The following CYFIP1 variants were observed in gnomAD, a reference collection of about 807,000 sequenced individuals.
CYFIP1 encodes the protein cytoplasmic FMR1-interacting protein 1.
CYFIP1 carries 58 observed loss-of-function variants against 163.5 expected under a neutral mutation model. That is an observed-to-expected ratio of 0.35 (90% CI 0.29 to 0.44). The LOEUF (loss-of-function observed/expected upper bound fraction) is 0.44. Among genes scored for constraint, CYFIP1 ranks in the 20% least tolerant of loss-of-function variants. The probability of loss-of-function intolerance (pLI) is 1.00; values close to 1 mark genes in which losing one functional copy is unlikely to be tolerated. For missense variants in CYFIP1, 1,338 were observed against 1,653.8 expected (o/e 0.81, Z 3.31); for synonymous variants, 663 against 660.7 (o/e 1.00, Z -0.05).
chr15:22,971,217 G>A (rs973933592), intron 1 of CYFIP1, among the ~76,000 whole-genome samples: 2 of 152,178 alleles, frequency 1.3e-5, no homozygotes, highest in Admixed American at 6.6e-5. Flanking sequence ...ATGATTTCTT[G>A]GATATGACAC....
At position 22,917,673 on chromosome 15, in the gene CYFIP1, C is replaced by T; in HGVS notation, c.1674+115G>A. ...GAAACCACAGGCGCCACTTTCTCTG[C>T]CTGAGCAGGCAGCGAGGACCTCATT... On this transcript the variant is annotated intron_variant, in intron 15 of 30. Transcript: ENST00000617928. The surrounding 1 kb of genome is among the most constrained non-coding windows in gnomAD (Gnocchi z 4.2). 1.6e-6 allele frequency: 2 copies of T among 1,280,516 alleles called. No individual in the cohort carries two copies. Among genetic ancestry groups the T allele is most frequent in the African/African-American group, 1.5e-5 (1 of 65,056 alleles). The allele number at this position is 1,280,516 out of a possible 1,614,324, so 79.3% of individuals were successfully genotyped here. A position where few individuals can be genotyped will look rare whatever the true frequency, so the allele number is the denominator to read the frequency against.
At chr15:22,926,703 GC>G (rs1365990765) in intron 12 of CYFIP1, among the ~76,000 whole-genome samples, 1 of 152,142 alleles carries the variant, frequency 6.6e-6, no homozygotes, top group Non-Finnish European at 1.5e-5. Flanking sequence ...GATGGCTGGA[GC>G]TCCAAAGAGA....
intron 1 of CYFIP1, among the ~76,000 whole-genome samples, chr15:22,957,095 C>A (rs2062488276): frequency 6.6e-6 from 1 of 152,208 alleles, no homozygotes; most frequent in Admixed American, 6.5e-5. Flanking sequence ...AGTGCTGTGG[C>A]AGGCGGCACG....
chr15:22,902,251 G>C (rs2060416966), intron 22 of CYFIP1, among the ~76,000 whole-genome samples: 1 of 152,248 alleles, frequency 6.6e-6, no homozygotes, highest in African/African-American at 2.4e-5. Flanking sequence ...GCTCTGAGCA[G>C]CTGCACGCAT....
intron 22 of CYFIP1, among the ~76,000 whole-genome samples, chr15:22,903,343 A>G (rs764513254): frequency 6.6e-6 from 1 of 151,944 alleles, no homozygotes; most frequent in East Asian, 1.9e-4. Context: ...TTCACCACCA[A>G]TCACATCACT....
chr15:22,931,435 A>G (rs951325862), intron 11 of CYFIP1, among the ~76,000 whole-genome samples: 22 of 151,918 alleles, frequency 1.4e-4, no homozygotes, highest in Non-Finnish European at 2.6e-4. Flanking sequence ...GGACACATGG[A>G]CCCAATGCCC....
rs1009780278 is a variant in CYFIP1 at position 22,916,699 on chromosome 15, A to C, written c.1675-69T>G. On this transcript the variant is annotated intron_variant, in intron 15 of 30. Transcript: ENST00000617928. ...GGTACATTAGTTATGCCAAACTCAA[A>C]AAGCCCATGAGAGAAGGACTGCTCC... 2.5e-6 allele frequency: 4 copies of C among 1,614,008 alleles called. No individual in the cohort carries two copies. In the African/African-American group the frequency reaches 5.3e-5, roughly 22 times the overall value.
intron 13 of CYFIP1, 96 bp from the exon 14 acceptor site, chr15:22,918,954 AG>A: frequency 1.0e-6 from 1 of 992,048 alleles, no homozygotes; most frequent in Non-Finnish European, 1.5e-6. Context: ...CCTCGCCCAC[AG>A]CACCTTACGC....
At position 22,947,120 on chromosome 15, in the gene CYFIP1, T is replaced by C. The variant is rs766850051; in HGVS notation, c.118-28A>G. ...GAAGGAAAGGAAGAGAAAAACATCA[T>C]GTGGGGTCGGAGCACAGGCTGTACG... On this transcript the variant is annotated intron_variant, in intron 2 of 30. Transcript: ENST00000617928. 27 of 1,614,100 alleles carry C rather than the reference T, an allele frequency of 1.7e-5. No homozygotes were observed. In the East Asian group the frequency reaches 2.5e-4, roughly 15 times the overall value.
chr15:22,879,135 CAAAAA>C (rs11356601), intron 26 of CYFIP1, among the ~76,000 whole-genome samples: 1 of 130,316 alleles, frequency 7.7e-6, no homozygotes. Context: ...GACTCCGTCT[CAAAAA>C]AAAAAAAAAA....
chr15:22,916,267 C>G (rs968170052), intron 16 of CYFIP1, among the ~76,000 whole-genome samples: 1 of 152,214 alleles, frequency 6.6e-6, no homozygotes, highest in Non-Finnish European at 1.5e-5. Context: ...CCAGCCCGGG[C>G]TCCTCAGTTT....
chr15:22,961,852 G>C (rs1216449293), intron 1 of CYFIP1, among the ~76,000 whole-genome samples: 1 of 152,162 alleles, frequency 6.6e-6, no homozygotes, highest in Non-Finnish European at 1.5e-5. Flanking sequence ...TCCAGGTCAA[G>C]CTACTTTCTT....
intron 23 of CYFIP1, among the ~76,000 whole-genome samples, chr15:22,883,301 G>A (rs1482737791): frequency 1.3e-5 from 2 of 152,144 alleles, no homozygotes; most frequent in Non-Finnish European, 2.9e-5. Flanking sequence ...AAATGAATAC[G>A]ACCCAGAGTT....
rs778722174 is a variant in CYFIP1, at chr15:22,875,278, C to G, written c.3043-7G>C. 6.2e-7 allele frequency: 1 copy of G among 1,613,770 alleles called. No individual in the cohort carries two copies. The highest frequency in any genetic ancestry group is 8.5e-7 in the Non-Finnish European group (1 of 1,179,700). On this transcript the variant is annotated splice_polypyrimidine_tract_variant and splice_region_variant and intron_variant, in intron 26 of 30. Coordinates refer to ENST00000617928, the MANE Select transcript of CYFIP1 (RefSeq NM_014608.6). ...CACACACTTCTTCTAAAGACTAGAG[C>G]AGAGAAAGAGAGGGTCAAGCTAGGA... is the stretch of plus-strand genomic sequence containing the variant.
chr15:22,925,952 G>A (rs2142169581), intron 13 of CYFIP1, 30 bp downstream of exon 13: 3 of 1,608,870 alleles, frequency 1.9e-6, no homozygotes, highest in East Asian at 2.2e-5. Flanking sequence ...AGAGCGACAT[G>A]AGGAAGAGCG....
At chr15:22,889,544 T>A (rs1284611542) in intron 23 of CYFIP1, among the ~76,000 whole-genome samples, 1 of 152,160 alleles carries the variant, frequency 6.6e-6, no homozygotes, top group African/African-American at 2.4e-5. Flanking sequence ...TCCTGGGATC[T>A]CAAAAACCAA....
At chr15:22,956,469 A>G (rs983781879) in intron 1 of CYFIP1, among the ~76,000 whole-genome samples, 1 of 151,812 alleles carries the variant, frequency 6.6e-6, no homozygotes, top group African/African-American at 2.4e-5. Flanking sequence ...AGGGAAAAGG[A>G]AAAAAAAAGT....
At chr15:22,973,373 A>G (rs939494372) in intron 1 of CYFIP1, among the ~76,000 whole-genome samples, 2 of 148,280 alleles carry the variant, frequency 1.3e-5, no homozygotes, top group African/African-American at 5.0e-5. Context: ...AGTTATTCTC[A>G]CTTTTTCTAC....
rs1356895850 is a variant in CYFIP1 at position 22,881,868 on chromosome 15, G to A, written c.2889C>T (p.Pro963=). Reference sequence around the variant, plus strand: ...CACCAGGAGAGCCGTACTCGTGCCGGGGCAGGCGGCAGATCTTGGGCATCA... The same window carrying A: ...CACCAGGAGAGCCGTACTCGTGCCGAGGCAGGCGGCAGATCTTGGGCATCA... ...MEVMPKICRL[P]RHEYGSPGIL... is the part of the protein sequence containing the mutation. The change falls in exon 25 of 31, where the codon CCC becomes CCT. Residue 963 remains proline, a synonymous_variant. Coordinates refer to ENST00000617928, the MANE Select transcript of CYFIP1 (RefSeq NM_014608.6). 3 of 1,611,814 alleles carry A rather than the reference G, an allele frequency of 1.9e-6. No homozygotes were observed. The highest frequency in any genetic ancestry group is 3.3e-5 in the Admixed American group (2 of 60,024).
Sources: allele counts gnomAD v4.1 joint callset (sites outside exome capture counted in the v4.1 genomes callset), GRCh38; gene constraint gnomAD v4.1.1; non-coding constraint Gnocchi (gnomAD v3.1); transcripts MANE v1.5; gene names NCBI Gene and HGNC (gene_info 2026-07-23, HGNC 2026-07-21).